Variants in NLRP5 observed in about 807,000 individuals in gnomAD.
NLRP5 encodes NLR family pyrin domain containing 5.
Under a neutral mutation model 113.1 loss-of-function variants are expected in NLRP5, and 93 were observed. The observed-to-expected ratio is 0.82, with a 90% CI of 0.70 to 0.98. The LOEUF is 0.98. NLRP5 is among the 50% of genes least tolerant of loss of function. The pLI is 0.00. For missense variants in NLRP5, 1,808 were observed against 1,514.3 expected (o/e 1.19, Z -3.22); for synonymous variants, 751 against 600.7 (o/e 1.25, Z -3.66).
At chr19:56,055,711 A>C (rs1325992759) in intron 13 of NLRP5, among the ~76,000 whole-genome samples, 1 of 151,080 alleles carries the variant, frequency 6.6e-6, no homozygotes, top group Non-Finnish European at 1.5e-5. Flanking sequence ...ACGCCCGGCT[A>C]ATTTTTTGTA....
At chr19:56,006,436 A>T (rs1981916658) in intron 2 of NLRP5, among the ~76,000 whole-genome samples, 1 of 152,062 alleles carries the variant, frequency 6.6e-6, no homozygotes, top group African/African-American at 2.4e-5. Flanking sequence ...TTAAAAAAAA[A>T]ATGGATGGTA....
rs375845864 is a variant in NLRP5, at chr19:56,026,527, CAAAAAAAA to C, written c.680-371_680-364del. 6.9e-4 allele frequency among the ~76,000 whole-genome samples: 28 copies of C among 40,352 alleles called. 1 individual carries two copies. Among genetic ancestry groups the C allele is most frequent in the African/African-American group, 2.0e-3 (23 of 11,460 alleles). The allele number at this position is 40,352 out of a possible 152,430, so 26.5% of individuals were successfully genotyped here. ...TGGGTGACAGAGCAAGACTCCATCT[CAAAAAAAA>C]AAAAAAAAAAAAAATAGACTGGCTT... On this transcript the variant is annotated intron_variant, in intron 6 of 14. Coordinates refer to ENST00000390649, the MANE Select transcript of NLRP5 (RefSeq NM_153447.4).
intron 6 of NLRP5, among the ~76,000 whole-genome samples, chr19:56,022,326 C>T (rs1025103546): frequency 2.6e-5 from 4 of 152,112 alleles, no homozygotes; most frequent in African/African-American, 9.7e-5. Context: ...CTGAAGCAAT[C>T]CTCCTGCCTC....
In NLRP5 at chr19:56,004,010, A is replaced by G; in HGVS notation, c.357A>G (p.Ala119=). 1.2e-6 allele frequency: 2 copies of G among 1,614,002 alleles called. No homozygotes were observed. Among genetic ancestry groups the G allele is most frequent in the South Asian group, 2.2e-5 (2 of 91,080 alleles). The change falls in exon 2 of 15, where the codon GCA becomes GCG. Residue 119 remains alanine, a synonymous_variant. Transcript: ENST00000390649. Reference sequence around the variant, plus strand: ...TCCTCTTGCATGAGTATTATGGAGCATCGCTGGCCTGGGCTACGTCCATTA... The same window carrying G: ...TCCTCTTGCATGAGTATTATGGAGCGTCGCTGGCCTGGGCTACGTCCATTA...
intron 7 of NLRP5, among the ~76,000 whole-genome samples, chr19:56,031,085 C>T (rs1227641071): frequency 1.2e-5 from 1 of 85,182 alleles, no homozygotes; most frequent in East Asian, 3.1e-4. Context: ...AAGGTATACA[C>T]TCAGACACGT....
upstream of NLRP5, chr19:55,999,713 T>C (rs1981553813): frequency 1.9e-6 from 3 of 1,603,218 alleles, no homozygotes; most frequent in African/African-American, 2.7e-5. Flanking sequence ...TTACTTTCCA[T>C]GGCGATGTTA....
chr19:56,026,360 C>G (rs1982846413), intron 6 of NLRP5, among the ~76,000 whole-genome samples: 1 of 151,542 alleles, frequency 6.6e-6, no homozygotes, highest in Non-Finnish European at 1.5e-5. Flanking sequence ...AACCCCGTCT[C>G]TACTAAAAAT....
In NLRP5 at chr19:56,061,489, T is replaced by C; in HGVS notation, c.3564T>C (p.His1188=). ...GAGTCGTAATTGACGGTAGTTGGCATTCTTTTGATGAAGATGACCGGTACT... is the reference window on the plus strand; with the variant it reads ...GAGTCGTAATTGACGGTAGTTGGCACTCTTTTGATGAAGATGACCGGTACT... The change falls in exon 15 of 15, where the codon CAT becomes CAC. Residue 1188 remains histidine (H), a synonymous_variant. Coordinates refer to ENST00000390649, the MANE Select transcript of NLRP5 (RefSeq NM_153447.4). The C allele has an allele frequency of 6.2e-7, 1 of 1,614,048 alleles. No individual in the cohort carries two copies. The highest frequency in any genetic ancestry group is 8.5e-7 in the Non-Finnish European group (1 of 1,179,884).
chr19:56,029,401 G>T (rs925597390), intron 7 of NLRP5, among the ~76,000 whole-genome samples: 1 of 151,960 alleles, frequency 6.6e-6, no homozygotes, highest in Admixed American at 6.6e-5. Context: ...CAAGTAGCTG[G>T]GATTATAGGC....
At chr19:56,044,635 A>C (rs1253981428) in intron 11 of NLRP5, among the ~76,000 whole-genome samples, 1 of 152,168 alleles carries the variant, frequency 6.6e-6, no homozygotes, top group East Asian at 1.9e-4. Context: ...GTTTGAAATC[A>C]GGTAGTGTGA....
chr19:56,032,220 C>T (rs1983143567), intron 7 of NLRP5, among the ~76,000 whole-genome samples: 1 of 151,934 alleles, frequency 6.6e-6, no homozygotes, highest in East Asian at 1.9e-4. Context: ...TGGCATGCGC[C>T]TGTAGTCCCA....
intron 7 of NLRP5, among the ~76,000 whole-genome samples, chr19:56,030,795 A>T (rs1208944292): frequency 7.5e-6 from 1 of 134,038 alleles, no homozygotes; most frequent in South Asian, 2.3e-4. Flanking sequence ...GCTCACTGCA[A>T]CCTCCACCTC....
At position 56,053,330 on chromosome 19, in the gene NLRP5, A is replaced by T. The variant is rs1412525747; in HGVS notation, c.3129-308A>T. Among the ~76,000 whole-genome samples the T allele has an allele frequency of 5.3e-5, 8 of 152,092 alleles. No individual in the cohort carries two copies. In the South Asian group the frequency reaches 1.7e-3, roughly 31 times the overall value. On this transcript the variant is annotated intron_variant, in intron 12 of 14. Transcript: ENST00000390649. ...AGAATAGCTTGAACCTGGGAGGTGG[A>T]GGTTGCAGTGAGCCGAGATCACACC...
chr19:56,039,563 A>AGAGTTCTATC (rs1983442535), intron 10 of NLRP5, among the ~76,000 whole-genome samples: 1 of 152,110 alleles, frequency 6.6e-6, no homozygotes, highest in Non-Finnish European at 1.5e-5. Context: ...TTACGGGAAA[A>AGAGTTCTATC]CACCTATCAC....
chr19:56,013,235 G>A (rs576382106), intron 3 of NLRP5, among the ~76,000 whole-genome samples: 1 of 151,866 alleles, frequency 6.6e-6, no homozygotes, highest in Non-Finnish European at 1.5e-5. Context: ...CTCTGTTGCT[G>A]AGGCTGGAGT....
rs1412317286 is a variant in NLRP5 at position 56,010,742 on chromosome 19, C to CAAAA, written c.508+1899_508+1902dup. Among the ~76,000 whole-genome samples the CAAAA allele has an allele frequency of 4.8e-3, 197 of 41,280 alleles. 28 individuals carry two copies. The highest frequency in any genetic ancestry group is 7.2e-3 in the Non-Finnish European group (167 of 23,134). The allele number at this position is 41,280 out of a possible 152,430, so 27.1% of individuals were successfully genotyped here. A position where few individuals can be genotyped will look rare whatever the true frequency, so the allele number is the denominator to read the frequency against. The stretch of plus-strand genomic sequence containing the variant: ...GGGAAACAAGAGCTTAACTCTGTCT[C>CAAAA]AAAAAAAAAAAAAGTCCCTTGAAAC... On this transcript the variant is annotated intron_variant, in intron 3 of 14. Coordinates refer to ENST00000390649, the MANE Select transcript of NLRP5 (RefSeq NM_153447.4).
intron 9 of NLRP5, among the ~76,000 whole-genome samples, chr19:56,035,434 CTGGGAACAGA>C (rs767240318): frequency 7.9e-5 from 12 of 152,200 alleles, no homozygotes; most frequent in Non-Finnish European, 1.5e-4. Flanking sequence ...TGGGGTTTAT[CTGGGAACAGA>C]TGGAGGAAGC....
chr19:55,996,485 A>G (rs938384855), upstream of NLRP5, among the ~76,000 whole-genome samples: 2 of 151,840 alleles, frequency 1.3e-5, no homozygotes, highest in Non-Finnish European at 2.9e-5. Context: ...ATATCTCCTA[A>G]TGCTCCCTCC....
chr19:56,042,007 G>T (rs1480391717), intron 11 of NLRP5, among the ~76,000 whole-genome samples: 6 of 152,002 alleles, frequency 3.9e-5, no homozygotes, highest in Non-Finnish European at 7.4e-5. Flanking sequence ...AACAAACACG[G>T]CACTAAATAC....
Sources: gnomAD v4.1 joint callset for allele counts (sites outside exome capture counted in the v4.1 genomes callset) on GRCh38, gnomAD v4.1.1 for gene constraint, MANE v1.5 for transcripts, NCBI Gene and HGNC (gene_info 2026-07-23, HGNC 2026-07-21) for gene names.